RNF220: variants seen among roughly 807,000 people sequenced by gnomAD.
RNF220 encodes ring finger protein 220.
Under a neutral mutation model 67.1 loss-of-function variants are expected in RNF220, and 7 were observed. The ratio of observed to expected loss-of-function variants is 0.10; its 90% CI spans 0.06 to 0.20. The LOEUF (loss-of-function observed/expected upper bound fraction) is 0.20. Among genes scored for constraint, RNF220 ranks in the 10% least tolerant of loss-of-function variants. RNF220 has a pLI of 1.00. For missense variants in RNF220, 565 were observed against 740.3 expected (o/e 0.76, Z 2.75); for synonymous variants, 270 against 283.2 (o/e 0.95, Z 0.47).
intron 2 of RNF220, among the ~76,000 whole-genome samples, chr1:44,595,459 A>G (rs935456177): frequency 2.6e-5 from 4 of 152,212 alleles, no homozygotes; most frequent in African/African-American, 4.8e-5. Context: ...GGGAGCAGGT[A>G]CAGGATGGGC....
At chr1:44,494,812 GTAGA>G (rs1427832403) in intron 2 of RNF220, among the ~76,000 whole-genome samples, 1 of 152,134 alleles carries the variant, frequency 6.6e-6, no homozygotes, top group Non-Finnish European at 1.5e-5. Context: ...ATCAAAAAAA[GTAGA>G]TAGAATTTAA....
intron 2 of RNF220, among the ~76,000 whole-genome samples, chr1:44,593,192 A>C (rs1666239004): frequency 6.6e-6 from 1 of 152,174 alleles, no homozygotes; most frequent in South Asian, 2.1e-4. Flanking sequence ...TCCCTGTTCC[A>C]TCCCATGCCC....
At chr1:44,524,087 G>C (rs1329676244) in intron 2 of RNF220, among the ~76,000 whole-genome samples, 1 of 148,954 alleles carries the variant, frequency 6.7e-6, no homozygotes, top group Non-Finnish European at 1.5e-5. Context: ...GGCTAGAGTG[G>C]GGGCCCAAAT....
chr1:44,531,005 C>T (rs996833696), intron 2 of RNF220, among the ~76,000 whole-genome samples: 5 of 152,050 alleles, frequency 3.3e-5, no homozygotes, highest in South Asian at 4.2e-4. Context: ...AGAAAACTAA[C>T]CTGTGATTGT....
chr1:44,576,277 A>G lies in RNF220; in HGVS notation c.626-37888A>G, dbSNP rs540544823. Among the ~76,000 whole-genome samples, 33 of 152,130 alleles carry G rather than the reference A, an allele frequency of 2.2e-4. No homozygotes were observed. In the South Asian group the frequency reaches 5.8e-3, roughly 27 times the overall value. On this transcript the variant is annotated intron_variant, in intron 2 of 14. Transcript: ENST00000361799. ...TTCCCAGACCTTAGCTACCAGGGAG[A>G]ATAGGGGGTGGCCAGGAGGAGTGAA... is the stretch of plus-strand genomic sequence containing the variant.
At chr1:44,464,401 ATCTTTT>A (rs1177425487) in intron 2 of RNF220, among the ~76,000 whole-genome samples, 5 of 152,206 alleles carry the variant, frequency 3.3e-5, no homozygotes, top group Non-Finnish European at 5.9e-5. Context: ...TTGCATGTGC[ATCTTTT>A]TCTTTTTCTT....
At chr1:44,405,977 AC>A (rs990458060) in intron 1 of RNF220, among the ~76,000 whole-genome samples, 2 of 151,172 alleles carry the variant, frequency 1.3e-5, no homozygotes, top group Admixed American at 6.6e-5. Flanking sequence ...TCTCTGGTGC[AC>A]CCCCCGGTGA....
intron 2 of RNF220, among the ~76,000 whole-genome samples, chr1:44,451,619 G>T (rs1016246709): frequency 7.3e-5 from 11 of 151,638 alleles, no homozygotes; most frequent in African/African-American, 1.9e-4. Flanking sequence ...TTTTATTTTT[G>T]ATTTTATTTT....
At chr1:44,405,015 A>G (rs1647222904), upstream of RNF220, among the ~76,000 whole-genome samples, 2 of 152,100 alleles carry the variant, frequency 1.3e-5, no homozygotes, top group African/African-American at 2.4e-5. Context: ...ACAAAAGCCA[A>G]CGCTCTCTTT....
At chr1:44,608,585 TTAA>T (rs1459116207) in intron 2 of RNF220, among the ~76,000 whole-genome samples, 3 of 152,184 alleles carry the variant, frequency 2.0e-5, no homozygotes, top group African/African-American at 7.2e-5. Context: ...GCTGTAAGGA[TTAA>T]TGAGATAAAG....
intron 2 of RNF220, among the ~76,000 whole-genome samples, chr1:44,441,624 A>C (rs541647699): frequency 6.6e-6 from 1 of 152,246 alleles, no homozygotes. Flanking sequence ...CCTTGAAAGT[A>C]AGAAACATTT....
At position 44,624,041 on chromosome 1, in the gene RNF220, C is replaced by T. The variant is rs781581021; in HGVS notation, c.804+1254C>T. Among the ~76,000 whole-genome samples the T allele has an allele frequency of 1.3e-4, 20 of 152,222 alleles. No homozygotes were observed. The highest frequency in any genetic ancestry group is 2.9e-4 in the Non-Finnish European group (20 of 68,042). On this transcript the variant is annotated intron_variant, in intron 4 of 14. Coordinates refer to ENST00000361799, the MANE Select transcript of RNF220 (RefSeq NM_018150.4). This position sits in a 1 kb window ranked among gnomAD's most constrained non-coding sequence, Gnocchi z 4.2. ...GGTATAGGAATGGATCGTGTACCTT[C>T]GTTTAGAAAACTGCTCACCTGCAGC...
chr1:44,453,963 A>C (rs1652928263), intron 2 of RNF220, among the ~76,000 whole-genome samples: 1 of 152,256 alleles, frequency 6.6e-6, no homozygotes, highest in Non-Finnish European at 1.5e-5. Context: ...AATAGTTGCC[A>C]GAGCAATGAC....
chr1:44,405,358 A>G lies in RNF220; in HGVS notation c.-290A>G. ...CAATCCCAGGCAGCTCGCGAACACA[A>G]ACCCGGGGCCAGCCGCCTACTGCTG... On this transcript the variant is annotated 5_prime_UTR_variant, in exon 1 of 15. Coordinates refer to ENST00000361799, the MANE Select transcript of RNF220 (RefSeq NM_018150.4). 2 of 593,390 alleles carry G rather than the reference A, an allele frequency of 3.4e-6. No individual in the cohort carries two copies. Among genetic ancestry groups the G allele is most frequent in the Non-Finnish European group, 6.0e-6 (2 of 334,064 alleles). 36.8% of individuals were successfully genotyped at this position (593,390 alleles called of 1,614,324 possible).
chr1:44,428,682 TTG>T (rs1650045069), intron 2 of RNF220, among the ~76,000 whole-genome samples: 1 of 152,160 alleles, frequency 6.6e-6, no homozygotes, highest in Admixed American at 6.5e-5. Flanking sequence ...CTTCGCATCC[TTG>T]TGTTCTTTCT....
At chr1:44,623,010 T>C (rs1643861581) in intron 4 of RNF220, among the ~76,000 whole-genome samples, 1 of 152,152 alleles carries the variant, frequency 6.6e-6, no homozygotes, top group African/African-American at 2.4e-5. Context: ...AGTATGCTCA[T>C]CTGACTTCCT....
At chr1:44,473,816 A>G (rs931008901) in intron 2 of RNF220, among the ~76,000 whole-genome samples, 4 of 152,156 alleles carry the variant, frequency 2.6e-5, no homozygotes, top group Non-Finnish European at 5.9e-5. Flanking sequence ...CCTGTATAAA[A>G]CATTCTAACT....
intron 2 of RNF220, among the ~76,000 whole-genome samples, chr1:44,475,568 CAAAA>C (rs35917344): frequency 4.2e-5 from 3 of 70,978 alleles, no homozygotes. Flanking sequence ...GACTCGGTCT[CAAAA>C]AAAAAAAAAA....
chr1:44,631,486 T>A lies in RNF220; in HGVS notation c.907-857T>A, dbSNP rs551247867. On this transcript the variant is annotated intron_variant, in intron 5 of 14. Coordinates refer to ENST00000361799, the MANE Select transcript of RNF220 (RefSeq NM_018150.4). ...AGGCCTCTGTTTGGAGGATACTGAG[T>A]TCCATGTTGGCCATGTTGGCCGTGT... Among the ~76,000 whole-genome samples, 5 of 152,316 alleles carry A rather than the reference T, an allele frequency of 3.3e-5. No homozygotes were observed. The East Asian group carries it at 9.7e-4, about 29-fold the overall frequency.
Sources: allele counts gnomAD v4.1 joint callset (sites outside exome capture counted in the v4.1 genomes callset), GRCh38; gene constraint gnomAD v4.1.1; non-coding constraint Gnocchi (gnomAD v3.1); transcripts MANE v1.5; gene names NCBI Gene and HGNC (gene_info 2026-07-23, HGNC 2026-07-21).